Variants in FANCL observed in about 807,000 individuals in gnomAD.
FANCL encodes the protein E3 ubiquitin-protein ligase FANCL.
FANCL carries 69 observed loss-of-function variants against 59.4 expected under a neutral mutation model. The observed-to-expected ratio is 1.16, with a 90% CI of 0.96 to 1.42. FANCL has a LOEUF of 1.42. Among genes scored for constraint, FANCL ranks in the 40% most tolerant of loss-of-function variants. The pLI is 0.00. For synonymous variants in FANCL, 180 were observed against 147.1 expected (o/e 1.22, Z -1.62); for missense variants, 519 against 447.2 (o/e 1.16, Z -1.45).
intron 7 of FANCL, among the ~76,000 whole-genome samples, chr2:58,181,539 A>C (rs886813085): frequency 7.9e-5 from 12 of 152,038 alleles, no homozygotes; most frequent in African/African-American, 2.7e-4. Flanking sequence ...ACTCTAGTTA[A>C]ATGTATGCAT....
intron 1 of FANCL, among the ~76,000 whole-genome samples, chr2:58,238,088 C>T (rs1316213877): frequency 6.6e-6 from 1 of 152,220 alleles, no homozygotes; most frequent in African/African-American, 2.4e-5. Flanking sequence ...GCTTGACCAA[C>T]TGGCAGCCCA....
intron 3 of FANCL, 36 bp downstream of exon 3, chr2:58,229,778 T>C: frequency 6.9e-7 from 1 of 1,452,788 alleles, no homozygotes; most frequent in Non-Finnish European, 9.7e-7. Flanking sequence ...ATTTCTTATC[T>C]TCACTGAAAA....
At chr2:58,190,728 C>T (rs958431379) in intron 7 of FANCL, among the ~76,000 whole-genome samples, 1 of 151,932 alleles carries the variant, frequency 6.6e-6, no homozygotes, top group Non-Finnish European at 1.5e-5. Flanking sequence ...GTTATTCTCA[C>T]AGCCAGAGCC....
chr2:58,224,691 T>C (rs1286476080), intron 4 of FANCL, among the ~76,000 whole-genome samples: 1 of 151,760 alleles, frequency 6.6e-6, no homozygotes, highest in Non-Finnish European at 1.5e-5. Flanking sequence ...AATTTTTATA[T>C]AAACTAACAA....
At chr2:58,174,886 C>T (rs568377734) in intron 7 of FANCL, among the ~76,000 whole-genome samples, 140 of 152,066 alleles carry the variant, frequency 9.2e-4, no homozygotes, top group African/African-American at 2.5e-3. Context: ...ATTGATAGAC[C>T]GCTAGCAAGA....
At chr2:58,240,894 A>C (rs1444498045) in intron 1 of FANCL, among the ~76,000 whole-genome samples, 2 of 150,656 alleles carry the variant, frequency 1.3e-5, no homozygotes, top group Admixed American at 6.6e-5. Flanking sequence ...CAAAATTTAC[A>C]AAAAAAAAAT....
chr2:58,162,965 A>C lies in FANCL; in HGVS notation c.822-18T>G. 6.2e-7 allele frequency: 1 copy of C among 1,612,754 alleles called. No individual in the cohort carries two copies. The highest frequency in any genetic ancestry group is 8.5e-7 in the Non-Finnish European group (1 of 1,178,958). On this transcript the variant is annotated intron_variant, in intron 10 of 13. Transcript: ENST00000233741. ...CTGGATCCCTGAAAGCATGGGGAAA[A>C]AAATTATGCTGTGAACTTTGTAAAA...
intron 1 of FANCL, among the ~76,000 whole-genome samples, chr2:58,234,339 T>A (rs1486536230): frequency 6.7e-6 from 1 of 150,368 alleles, no homozygotes; most frequent in African/African-American, 2.4e-5. Context: ...CAGGGTGAAA[T>A]GAAAATAAAG....
chr2:58,216,410 G>C (rs1691726091), intron 5 of FANCL, among the ~76,000 whole-genome samples: 1 of 151,998 alleles, frequency 6.6e-6, no homozygotes, highest in African/African-American at 2.4e-5. Context: ...ACTGAAGTCT[G>C]AATAGCCAAG....
chr2:58,176,335 C>A (rs1386328961), intron 7 of FANCL, among the ~76,000 whole-genome samples: 1 of 151,798 alleles, frequency 6.6e-6, no homozygotes, highest in Non-Finnish European at 1.5e-5. Flanking sequence ...AATCCTAAGC[C>A]AAAAGAACAA....
In FANCL at chr2:58,226,901, T is replaced by C. The variant is rs1214029505; in HGVS notation, c.217-117A>G. On this transcript the variant is annotated intron_variant, in intron 3 of 13. Coordinates refer to ENST00000233741, the MANE Select transcript of FANCL (RefSeq NM_018062.4). ...AAAAAAGATTAGCTATATCTACATCTGAAAACTATAAGAAATGAAGTATCG... is the reference window on the plus strand; with the variant it reads ...AAAAAAGATTAGCTATATCTACATCCGAAAACTATAAGAAATGAAGTATCG... 2.6e-5 allele frequency: 21 copies of C among 813,298 alleles called. No homozygotes were observed. In the East Asian group the frequency reaches 5.6e-4, roughly 22 times the overall value. 50.4% of individuals were successfully genotyped at this position (813,298 alleles called of 1,614,324 possible).
chr2:58,237,762 C>A (rs1348786368), intron 1 of FANCL, among the ~76,000 whole-genome samples: 2 of 152,126 alleles, frequency 1.3e-5, no homozygotes, highest in Non-Finnish European at 2.9e-5. Flanking sequence ...GACACTCCTA[C>A]CTCTAGGAGT....
rs116263038 is a variant in FANCL at position 58,170,531 on chromosome 2, T to A, written c.541-4657A>T. Among the ~76,000 whole-genome samples the A allele has an allele frequency of 7.1e-3, 1,075 of 151,760 alleles. 5 individuals carry two copies. The highest frequency in any genetic ancestry group is 0.011 in the Non-Finnish European group (779 of 67,786). On this transcript the variant is annotated intron_variant, in intron 7 of 13. Coordinates refer to ENST00000233741, the MANE Select transcript of FANCL (RefSeq NM_018062.4). ...TGACAGGATCAAATTTACACATAAA[T>A]GTAAACGAGCTAAATCCCCCAATTA...
intron 6 of FANCL, among the ~76,000 whole-genome samples, chr2:58,199,409 T>A (rs2105108140): frequency 6.6e-6 from 1 of 152,206 alleles, no homozygotes; most frequent in South Asian, 2.1e-4. Context: ...AATTAAGAAA[T>A]ACACAAACAT....
At chr2:58,175,163 G>C (rs1573576320) in intron 7 of FANCL, among the ~76,000 whole-genome samples, 1 of 146,570 alleles carries the variant, frequency 6.8e-6, no homozygotes, top group Non-Finnish European at 1.5e-5. Context: ...ACCAAAAAGA[G>C]TCCAGGACCA....
chr2:58,176,085 C>A (rs1217925231), intron 7 of FANCL, among the ~76,000 whole-genome samples: 1 of 151,298 alleles, frequency 6.6e-6, no homozygotes, highest in Non-Finnish European at 1.5e-5. Flanking sequence ...ATGTGAAGGA[C>A]CTCTTCAAGG....
chr2:58,237,805 C>A (rs925785185), intron 1 of FANCL, among the ~76,000 whole-genome samples: 1 of 152,132 alleles, frequency 6.6e-6, no homozygotes, highest in East Asian at 1.9e-4. Context: ...TGAATATAGA[C>A]TAAGAAACTT....
chr2:58,215,793 G>A (rs972355461), intron 5 of FANCL, among the ~76,000 whole-genome samples: 1 of 151,780 alleles, frequency 6.6e-6, no homozygotes, highest in Non-Finnish European at 1.5e-5. Context: ...CTGGGGAAAG[G>A]TAGGCCCAGA....
At chr2:58,187,136 T>C (rs913169243) in intron 7 of FANCL, among the ~76,000 whole-genome samples, 1 of 152,108 alleles carries the variant, frequency 6.6e-6, no homozygotes, top group African/African-American at 2.4e-5. Flanking sequence ...TGCGGCATGA[T>C]TCACAATAGC....
Sources: allele counts gnomAD v4.1 joint callset (sites outside exome capture counted in the v4.1 genomes callset), GRCh38; gene constraint gnomAD v4.1.1; transcripts MANE v1.5; gene names NCBI Gene and HGNC (gene_info 2026-07-23, HGNC 2026-07-21).